The following TCOF1 variants were observed in gnomAD, a reference collection of about 807,000 sequenced individuals.
TCOF1 encodes treacle ribosome biogenesis factor 1.
In TCOF1, 33 loss-of-function variants were observed where a neutral mutation model predicts 149.0. The observed-to-expected ratio is 0.22, with a 90% CI of 0.17 to 0.30. TCOF1 has a LOEUF of 0.30. Among genes scored for constraint, TCOF1 ranks in the 10% least tolerant of loss-of-function variants. The pLI is 1.00. For missense variants in TCOF1, 1,728 were observed against 1,840.7 expected (o/e 0.94, Z 1.12); for synonymous variants, 789 against 738.8 (o/e 1.07, Z -1.10).
chr5:150,375,582 C>A (rs773837159), intron 11 of TCOF1, 28 bp downstream of exon 11: 1 of 1,613,650 alleles, frequency 6.2e-7, no homozygotes, highest in South Asian at 1.1e-5. Flanking sequence ...AAGGCTCTTT[C>A]TTTTTCCCCC....
At chr5:150,383,686 A>T (rs1561516472) in intron 17 of TCOF1, 1 of 1,529,388 alleles carries the variant, frequency 6.5e-7, no homozygotes, top group African/African-American at 1.4e-5. Context: ...GGCTGAGGAA[A>T]GGTCCAAACG....
chr5:150,368,970 G>A, intron 5 of TCOF1, 68 bp downstream of exon 5: 1 of 1,584,610 alleles, frequency 6.3e-7, no homozygotes, highest in South Asian at 1.1e-5. Context: ...CCTAGGCATT[G>A]CTTTAAGTTC....
In TCOF1 at chr5:150,379,722, C is replaced by T. The variant is rs1764630082; in HGVS notation, c.2849C>T (p.Thr950Ile). ...DSDGEAPAAV[T>I]SAQVIKPPLI... ...GATGGGGAGGCACCGGCAGCTGTGA[C>T]CTCTGCCCAGGTAAGACTTGCCAGG... The change falls in exon 17 of 27, where the codon ACC becomes ATC. Residue 950 changes from threonine to isoleucine, a missense_variant. By Grantham distance (89) the Thr-to-Ile change is moderately conservative. Coordinates refer to ENST00000643257, the MANE Select transcript of TCOF1 (RefSeq NM_001371623.1). The T allele has an allele frequency of 1.9e-6, 3 of 1,614,066 alleles. No individual in the cohort carries two copies. Among genetic ancestry groups the T allele is most frequent in the Non-Finnish European group, 2.5e-6 (3 of 1,179,998 alleles).
chr5:150,397,034 C>G (rs1013707988), intron 24 of TCOF1, among the ~76,000 whole-genome samples, 192 bp downstream of exon 24: 5 of 151,094 alleles, frequency 3.3e-5, no homozygotes, highest in Admixed American at 2.0e-4. Context: ...TGGCGGGCAC[C>G]TGTAATCTCA....
In TCOF1 at chr5:150,361,143, T is replaced by C. The variant is rs147327313; in HGVS notation, c.109-13T>C. ...TGGGGATTAATTGTGGCTTTCTCTT[T>C]ACCTCTCTGCAGAAGTGTTTCCTGG... is the stretch of plus-strand genomic sequence containing the variant. On this transcript the variant is annotated splice_polypyrimidine_tract_variant and intron_variant, in intron 1 of 26. Transcript: ENST00000643257. 716 of 1,614,156 alleles carry C rather than the reference T, an allele frequency of 4.4e-4. 2 individuals carry two copies. In the African/African-American group the frequency reaches 8.7e-3, roughly 20 times the overall value.
intron 24 of TCOF1, 54 bp from the exon 25 acceptor site, chr5:150,398,300 C>A: frequency 6.2e-7 from 1 of 1,610,446 alleles, no homozygotes; most frequent in Non-Finnish European, 8.5e-7. Context: ...AACATTGACC[C>A]CAGCACTTAG....
chr5:150,396,408 C>T lies in TCOF1; in HGVS notation c.3911C>T (p.Pro1304Leu). The change falls in exon 24 of 27, where the codon CCC becomes CTC. Residue 1304 changes from proline to leucine, a missense_variant. Coordinates refer to ENST00000643257, the MANE Select transcript of TCOF1 (RefSeq NM_001371623.1). ...SNITQCLLGQPWPLNEAQVQA... is the reference protein window; with the variant it reads ...SNITQCLLGQLWPLNEAQVQA... The stretch of plus-strand genomic sequence containing the variant: ...ATCACCCAGTGCCTCCTGGGCCAAC[C>T]CTGGCCCCTGAATGAGGCCCAGGTG... The T allele has an allele frequency of 6.2e-7, 1 of 1,614,034 alleles. No homozygotes were observed. Among genetic ancestry groups the T allele is most frequent in the Non-Finnish European group, 8.5e-7 (1 of 1,180,034 alleles).
At chr5:150,398,281 GCACCT>G (rs1769000563) in intron 24 of TCOF1, 68 bp from the exon 25 acceptor site, 2 of 1,605,212 alleles carry the variant, frequency 1.2e-6, no homozygotes, top group South Asian at 2.2e-5. Flanking sequence ...CCTGCCCTGT[GCACCT>G]CCCAACATTG....
In TCOF1 at chr5:150,396,606, C is replaced by T; in HGVS notation, c.4109C>T (p.Ala1370Val). 6.3e-7 allele frequency: 1 copy of T among 1,586,588 alleles called. No homozygotes were observed. Reference sequence around the variant, plus strand: ...AGCAAGAAGAAGAAGAAGCTGGGGGCCGGGGAAGGTGGGGAGGCCTCTGTT... The same window carrying T: ...AGCAAGAAGAAGAAGAAGCTGGGGGTCGGGGAAGGTGGGGAGGCCTCTGTT... ...PRSKKKKKLGAGEGGEASVSP... is the reference protein window; with the variant it reads ...PRSKKKKKLGVGEGGEASVSP... Residue 1370 changes from alanine to valine, a missense_variant, in exon 24 of 27, where the codon GCC becomes GTC. Around this residue, in one of 2 missense-constraint regions of TCOF1, gnomAD observed 1,696 missense variants for 1,765.4 expected, o/e 0.96. Coordinates refer to ENST00000643257, the MANE Select transcript of TCOF1 (RefSeq NM_001371623.1).
chr5:150,359,458 TC>T (rs902834985), intron 1 of TCOF1, among the ~76,000 whole-genome samples: 18 of 152,130 alleles, frequency 1.2e-4, no homozygotes, highest in African/African-American at 2.7e-4. Context: ...AGTTTGATCT[TC>T]CTTGGAAGAG....
chr5:150,383,303 T>C (rs1765617789), intron 17 of TCOF1: 1 of 753,222 alleles, frequency 1.3e-6, no homozygotes, highest in African/African-American at 1.8e-5. Flanking sequence ...CTTCCAGAGC[T>C]CTTTCCTCTA....
Position 150,375,867 on chromosome 5 carries a change from TG to T in TCOF1, c.1852del (p.Ala618ArgfsTer10), listed in dbSNP as rs755486021. ...SESSEESSDS[A>X]DSEEAPAAMT... is the part of the protein sequence containing the mutation. ...AGAGCAGCGAGGAGTCATCGGACAG[TG>T]CGGACAGTGAGGAGGCACCAGCAGC... is the stretch of plus-strand genomic sequence containing the variant. On this transcript the variant is annotated frameshift_variant, in exon 12 of 27. Coordinates refer to ENST00000643257, the MANE Select transcript of TCOF1 (RefSeq NM_001371623.1). LOFTEE classifies it high-confidence loss of function. 2.7e-5 allele frequency: 44 copies of T among 1,613,966 alleles called. No homozygotes were observed. Among genetic ancestry groups the T allele is most frequent in the Non-Finnish European group, 3.4e-5 (40 of 1,179,998 alleles).
At chr5:150,385,366 G>A (rs1766069731) in intron 17 of TCOF1, among the ~76,000 whole-genome samples, 1 of 152,188 alleles carries the variant, frequency 6.6e-6, no homozygotes, top group African/African-American at 2.4e-5. Flanking sequence ...TCCTGGCTCT[G>A]GCACCAGTTT....
At chr5:150,393,347 C>T in intron 22 of TCOF1, 25 bp from the exon 23 acceptor site, 3 of 1,613,674 alleles carry the variant, frequency 1.9e-6, no homozygotes, top group Non-Finnish European at 2.5e-6. Context: ...GTGGTGGCAG[C>T]CTCTTTCACA....
Position 150,375,868 on chromosome 5 carries a change from G to A in TCOF1, c.1852G>A (p.Ala618Thr), listed in dbSNP as rs1333816733. 1 of 1,613,772 alleles carries A rather than the reference G, an allele frequency of 6.2e-7. No homozygotes were observed. The highest frequency in any genetic ancestry group is 8.5e-7 in the Non-Finnish European group (1 of 1,179,784). Residue 618 changes from alanine to threonine, a missense_variant, in exon 12 of 27, where the codon GCG (alanine) becomes ACG (threonine). Physicochemically the swap from Ala to Thr is moderately conservative, Grantham distance 58. Transcript: ENST00000643257. ...GAGCAGCGAGGAGTCATCGGACAGT[G>A]CGGACAGTGAGGAGGCACCAGCAGC... ...SESSEESSDS[A>T]DSEEAPAAMT...
Position 150,372,097 on chromosome 5 carries a change from A to T in TCOF1, c.731A>T (p.Lys244Met). ...AGAAAGGCGGCCCCAGCCCCTGGGA[A>T]GGTGGGGGATGTGACACCCCAGGTC... Reference protein sequence around the residue: ...PARKAAPAPGKVGDVTPQVKG... With the variant: ...PARKAAPAPGMVGDVTPQVKG... The change falls in exon 7 of 27, where the codon AAG becomes ATG. Residue 244 changes from lysine to methionine, a missense_variant. Lys to Met is a moderately conservative substitution (Grantham distance 95). Coordinates refer to ENST00000643257, the MANE Select transcript of TCOF1 (RefSeq NM_001371623.1). 2 of 1,614,240 alleles carry T rather than the reference A, an allele frequency of 1.2e-6. No individual in the cohort carries two copies. Among genetic ancestry groups the T allele is most frequent in the Non-Finnish European group, 1.7e-6 (2 of 1,180,036 alleles).
intron 17 of TCOF1, chr5:150,380,285 T>G (rs1764846453): frequency 5.9e-6 from 1 of 170,020 alleles, no homozygotes; most frequent in Non-Finnish European, 1.3e-5. Context: ...TATATCTAGG[T>G]CGAGGTCTCC....
intron 18 of TCOF1, among the ~76,000 whole-genome samples, chr5:150,388,295 T>C (rs1436804085): frequency 1.3e-5 from 2 of 152,170 alleles, no homozygotes; most frequent in African/African-American, 2.4e-5. Flanking sequence ...CAGAGCTTTT[T>C]TGTGGCAGCC....
chr5:150,398,900 T>A, intron 25 of TCOF1, 122 bp from the exon 26 acceptor site: 1 of 1,387,414 alleles, frequency 7.2e-7, no homozygotes, highest in South Asian at 1.2e-5. Flanking sequence ...CCTCTGCCCT[T>A]GGAGGTCGCT....
Sources: allele counts gnomAD v4.1 joint callset (sites outside exome capture counted in the v4.1 genomes callset), GRCh38; gene constraint gnomAD v4.1.1; regional missense constraint gnomAD v4.1.1; transcripts MANE v1.5; gene names NCBI Gene and HGNC (gene_info 2026-07-23, HGNC 2026-07-21).